The following PRKG1 variants were observed in gnomAD, a reference collection of about 807,000 sequenced individuals.
PRKG1 encodes cGMP-dependent protein kinase 1.
PRKG1 carries 35 observed loss-of-function variants against 88.1 expected under a neutral mutation model. The ratio of observed to expected loss-of-function variants is 0.40; its 90% confidence interval spans 0.30 to 0.53. PRKG1 has a LOEUF of 0.53. Among genes scored for constraint, PRKG1 ranks in the 20% least tolerant of loss-of-function variants. The probability of loss-of-function intolerance (pLI) is 0.59; values close to 1 mark genes in which losing one functional copy is unlikely to be tolerated. For missense variants in PRKG1, 540 were observed against 839.8 expected (o/e 0.64, Z 4.41); for synonymous variants, 303 against 292.5 (o/e 1.04, Z -0.37).
intron 14 of PRKG1, among the ~76,000 whole-genome samples, chr10:52,287,698 T>TAAAAA (rs34027188): frequency 1.4e-5 from 2 of 138,118 alleles, no homozygotes; most frequent in Non-Finnish European, 1.6e-5. Context: ...ATGGATCAGT[T>TAAAAA]AAAAAAAAAA....
chr10:51,903,338 G>T (rs1238978081), intron 4 of PRKG1, among the ~76,000 whole-genome samples: 1 of 152,090 alleles, frequency 6.6e-6, no homozygotes, highest in Non-Finnish European at 1.5e-5. Context: ...ATAAATACTA[G>T]ATGATAGTGT....
intron 3 of PRKG1, chr10:51,697,394 T>A (rs1398417445): frequency 3.3e-6 from 1 of 306,644 alleles, no homozygotes; most frequent in Non-Finnish European, 6.0e-6. Flanking sequence ...AAAAATGTAG[T>A]TAACATACTG....
intron 5 of PRKG1, among the ~76,000 whole-genome samples, chr10:51,940,359 C>A (rs1040087511): frequency 2.6e-5 from 4 of 151,750 alleles, no homozygotes; most frequent in African/African-American, 4.9e-5. Flanking sequence ...ATATATGATC[C>A]CAGGAAACGT....
chr10:51,779,806 T>A (rs1318439613), intron 3 of PRKG1, among the ~76,000 whole-genome samples: 4 of 152,142 alleles, frequency 2.6e-5, no homozygotes, highest in African/African-American at 7.2e-5. Context: ...TTTTTCTTTT[T>A]TAAATTGGGG....
intron 3 of PRKG1, among the ~76,000 whole-genome samples, chr10:51,799,741 C>T (rs1428049141): frequency 1.3e-5 from 2 of 152,006 alleles, no homozygotes; most frequent in Non-Finnish European, 2.9e-5. Flanking sequence ...AGTACTAGCC[C>T]TGCCATTGCC....
chr10:51,037,448 G>A (rs1843366141), intron 1 of PRKG1, among the ~76,000 whole-genome samples: 1 of 151,982 alleles, frequency 6.6e-6, no homozygotes, highest in Non-Finnish European at 1.5e-5. Flanking sequence ...GGATGACAGC[G>A]TGAAATCCTT....
At chr10:52,197,504 G>C (rs1839540043) in intron 9 of PRKG1, among the ~76,000 whole-genome samples, 1 of 152,194 alleles carries the variant, frequency 6.6e-6, no homozygotes, top group South Asian at 2.1e-4. Context: ...AAACTCCGAG[G>C]TATAGGTCAC....
At chr10:52,009,369 T>C (rs1475738609) in intron 5 of PRKG1, among the ~76,000 whole-genome samples, 1 of 152,110 alleles carries the variant, frequency 6.6e-6, no homozygotes, top group Admixed American at 6.6e-5. Context: ...GTCATTCCTA[T>C]GCACCAACAG....
chr10:51,412,716 G>A (rs543455921), intron 2 of PRKG1, among the ~76,000 whole-genome samples: 8 of 152,258 alleles, frequency 5.3e-5, no homozygotes, highest in Admixed American at 1.3e-4. Flanking sequence ...TTATGGGGAA[G>A]CACAATGATG....
At chr10:51,919,580 T>C (rs10823897) in intron 5 of PRKG1, among the ~76,000 whole-genome samples, 1 of 151,596 alleles carries the variant, frequency 6.6e-6, no homozygotes, top group Non-Finnish European at 1.5e-5. Flanking sequence ...ACATTACAGA[T>C]GTTAATAATT....
chr10:51,698,141 G>A, intron 3 of PRKG1: 1 of 1,614,138 alleles, frequency 6.2e-7, no homozygotes, highest in South Asian at 1.1e-5. Flanking sequence ...ACCAGTCATA[G>A]GGCCTCTTGA....
intron 2 of PRKG1, among the ~76,000 whole-genome samples, chr10:51,367,663 C>T (rs528096275): frequency 4.3e-4 from 65 of 151,948 alleles, no homozygotes; most frequent in African/African-American, 1.5e-3. Flanking sequence ...CTAAAGCAAG[C>T]AAAGACTGCT....
intron 2 of PRKG1, among the ~76,000 whole-genome samples, chr10:51,371,414 C>G (rs1842703943): frequency 6.6e-6 from 1 of 151,658 alleles, no homozygotes; most frequent in Non-Finnish European, 1.5e-5. Context: ...AATAATTACT[C>G]TGTGTGTGTG....
At chr10:51,811,396 T>G (rs1839451933) in intron 4 of PRKG1, among the ~76,000 whole-genome samples, 1 of 152,218 alleles carries the variant, frequency 6.6e-6, no homozygotes, top group South Asian at 2.1e-4. Flanking sequence ...TTTCATTTTT[T>G]TAATAACTCA....
At chr10:51,937,461 T>G (rs1338231674) in intron 5 of PRKG1, among the ~76,000 whole-genome samples, 1 of 152,068 alleles carries the variant, frequency 6.6e-6, no homozygotes, top group African/African-American at 2.4e-5. Context: ...GGCCATGGTT[T>G]GTAAATCTTG....
intron 5 of PRKG1, among the ~76,000 whole-genome samples, chr10:51,984,464 A>G (rs889367875): frequency 6.6e-6 from 1 of 152,184 alleles, no homozygotes; most frequent in Non-Finnish European, 1.5e-5. Context: ...ATATTTTAAT[A>G]ATGTTTCTTA....
intron 9 of PRKG1, among the ~76,000 whole-genome samples, chr10:52,226,457 C>A (rs1199307483): frequency 6.6e-6 from 1 of 152,138 alleles, no homozygotes; most frequent in Non-Finnish European, 1.5e-5. Flanking sequence ...TCACCTTTAG[C>A]CACTTGGTTT....
At chr10:51,360,661 A>G (rs927513707) in intron 2 of PRKG1, among the ~76,000 whole-genome samples, 1 of 151,950 alleles carries the variant, frequency 6.6e-6, no homozygotes, top group Non-Finnish European at 1.5e-5. Flanking sequence ...TTATTACTGT[A>G]CTACCCACAG....
At chr10:51,555,197 AG>A (rs1837279584) in intron 3 of PRKG1, among the ~76,000 whole-genome samples, 1 of 152,090 alleles carries the variant, frequency 6.6e-6, no homozygotes, top group African/African-American at 2.4e-5. Context: ...TGAGTAGGAA[AG>A]ATGACTCTTT....
Sources: allele counts gnomAD v4.1 joint callset (sites outside exome capture counted in the v4.1 genomes callset), GRCh38; gene constraint gnomAD v4.1.1; transcripts MANE v1.5; gene names NCBI Gene and HGNC (gene_info 2026-07-23, HGNC 2026-07-21).